Variants in WDFY4 observed in about 807,000 individuals in gnomAD.
WDFY4 encodes WDFY family member 4.
WDFY4 carries 169 observed loss-of-function variants against 351.9 expected under a neutral mutation model. The ratio of observed to expected loss-of-function variants is 0.48; its 90% CI spans 0.42 to 0.55. The LOEUF (loss-of-function observed/expected upper bound fraction) is 0.55, where lower values mean the gene tolerates loss of function less well. Ranked by LOEUF, WDFY4 falls within the 20% of genes least tolerant of loss-of-function variation. WDFY4 has a pLI of 0.00. For synonymous variants in WDFY4, 1,622 were observed against 1,574.6 expected (o/e 1.03, Z -0.71); for missense variants, 3,803 against 3,935.6 (o/e 0.97, Z 0.90).
intron 24 of WDFY4, chr10:48,802,855 C>T (rs2067130918): frequency 6.3e-6 from 3 of 478,864 alleles, no homozygotes; most frequent in Non-Finnish European, 1.3e-5. Context: ...CTGCCACTTG[C>T]TGGTGGTGAG....
chr10:48,750,467 TC>T (rs1456910862), intron 12 of WDFY4, among the ~76,000 whole-genome samples: 1 of 152,226 alleles, frequency 6.6e-6, no homozygotes, highest in Non-Finnish European at 1.5e-5. Context: ...CTGTCTTCAC[TC>T]TGCCTGGACA....
Position 48,834,578 on chromosome 10 carries a change from A to C in WDFY4, c.6663+1869A>C, listed in dbSNP as rs548781209. Among the ~76,000 whole-genome samples the C allele has an allele frequency of 4.6e-5, 7 of 152,362 alleles. No individual in the cohort carries two copies. The East Asian group carries it at 1.2e-3, about 25-fold the overall frequency. On this transcript the variant is annotated intron_variant, in intron 39 of 61. Transcript: ENST00000325239. Reference sequence around the variant, plus strand: ...AAGTCCTAAAACTTGGAGCATTCCCACTTGTGCCCATATACCTGCTCCTGA... The same window carrying C: ...AAGTCCTAAAACTTGGAGCATTCCCCCTTGTGCCCATATACCTGCTCCTGA...
chr10:48,920,729 A>G lies in WDFY4; in HGVS notation c.7586+18866A>G, dbSNP rs189161489. Among the ~76,000 whole-genome samples the G allele has an allele frequency of 1.8e-3, 271 of 152,354 alleles. 1 individual carries two copies. Among genetic ancestry groups the G allele is most frequent in the African/African-American group, 6.3e-3 (261 of 41,578 alleles). On this transcript the variant is annotated intron_variant, in intron 47 of 61. Coordinates refer to ENST00000325239, the MANE Select transcript of WDFY4 (RefSeq NM_001394531.1). The stretch of plus-strand genomic sequence containing the variant: ...GAATGAAATAAAACTGTTCTTATGC[A>G]CAGATGTCATGACTGTCCACATAGA...
chr10:48,942,261 A>G (rs1026311926), intron 48 of WDFY4, among the ~76,000 whole-genome samples: 1 of 152,190 alleles, frequency 6.6e-6, no homozygotes, highest in African/African-American at 2.4e-5. Context: ...CACTGTGCCC[A>G]GCTGGGATCT....
rs567522853 is a variant in WDFY4 at position 48,972,939 on chromosome 10, CA to C, written c.8929-1919del. 6.5e-4 allele frequency among the ~76,000 whole-genome samples: 99 copies of C among 152,276 alleles called. 1 individual carries two copies. The South Asian group carries it at 0.013, about 20-fold the overall frequency. On this transcript the variant is annotated intron_variant, in intron 57 of 61. Transcript: ENST00000325239. ...TTAGAGAAGTATTATTCTGAGAAAACAAAACCCCCTTTGAAGCTGCTATCTC... is the reference window on the plus strand; with the variant it reads ...TTAGAGAAGTATTATTCTGAGAAAACAAACCCCCTTTGAAGCTGCTATCTC...
intron 40 of WDFY4, among the ~76,000 whole-genome samples, chr10:48,868,474 A>G (rs114581839): frequency 5.3e-5 from 8 of 152,172 alleles, no homozygotes; most frequent in African/African-American, 1.9e-4. Context: ...CCCCACTCCA[A>G]CATTGCTGAC....
rs1015218230 is a variant in WDFY4 at position 48,976,967 on chromosome 10, C to T, written c.9279C>T (p.Asp3093=). 4.6e-5 allele frequency: 68 copies of T among 1,469,968 alleles called. No individual in the cohort carries two copies. Among genetic ancestry groups the T allele is most frequent in the East Asian group, 8.1e-5 (3 of 36,974 alleles). The allele number at this position is 1,469,968 out of a possible 1,614,324, so 91.1% of individuals were successfully genotyped here. A position where few individuals can be genotyped will look rare whatever the true frequency, so the allele number is the denominator to read the frequency against. ...TSQIIITGSQ[D]GMVRVWKTED... is the part of the protein sequence containing the mutation. Reference sequence around the variant, plus strand: ...AGATCATCATCACCGGGAGTCAAGACGGCATGGTCCGGGTAGGTGTGTCTT... The same window carrying T: ...AGATCATCATCACCGGGAGTCAAGATGGCATGGTCCGGGTAGGTGTGTCTT... The change falls in exon 59 of 62, where the codon GAC becomes GAT. Residue 3093 remains aspartate (D), a synonymous_variant. Coordinates refer to ENST00000325239, the MANE Select transcript of WDFY4 (RefSeq NM_001394531.1).
chr10:48,740,640 G>A (rs111926702), intron 11 of WDFY4, among the ~76,000 whole-genome samples: 11 of 152,086 alleles, frequency 7.2e-5, no homozygotes, highest in Admixed American at 3.3e-4. Context: ...CTGGGTTTTC[G>A]GCCAAATTCA....
In WDFY4 at chr10:48,969,108, A is replaced by G. The variant is rs1353369554; in HGVS notation, c.8629A>G (p.Ile2877Val). Residue 2877 changes from isoleucine (I) to valine (V), a missense_variant, in exon 56 of 62, where the codon ATT becomes GTT. By Grantham distance (29) the Ile-to-Val change is conservative (BLOSUM62 3). This residue lies in a region of WDFY4 where 3,054 missense variants were observed against 3,148.6 expected (regional missense o/e 0.97). Coordinates refer to ENST00000325239, the MANE Select transcript of WDFY4 (RefSeq NM_001394531.1). ...AGGCTCAGAGTCCCCCAAAGGGGCC[A>G]TTGGCCACATTGTCTCTACTGAGAA... ...SLGSESPKGA[I>V]GHIVSTEKTI... 8.4e-6 allele frequency: 13 copies of G among 1,551,756 alleles called. No homozygotes were observed. Among genetic ancestry groups the G allele is most frequent in the Non-Finnish European group, 1.1e-5 (13 of 1,146,962 alleles).
chr10:48,700,983 A>G (rs765741888), intron 1 of WDFY4, among the ~76,000 whole-genome samples: 38 of 152,222 alleles, frequency 2.5e-4, no homozygotes, highest in Non-Finnish European at 5.0e-4. Context: ...AGTGGCATTG[A>G]GTATATTCAC....
At chr10:48,947,591 T>G (rs1841113133) in intron 51 of WDFY4, among the ~76,000 whole-genome samples, 2 of 152,364 alleles carry the variant, frequency 1.3e-5, no homozygotes, top group African/African-American at 4.8e-5. Flanking sequence ...ATATGGCCAC[T>G]CTGGTGTCCA....
chr10:48,742,195 G>A (rs998346861), intron 11 of WDFY4, among the ~76,000 whole-genome samples: 1 of 152,220 alleles, frequency 6.6e-6, no homozygotes, highest in Admixed American at 6.5e-5. Flanking sequence ...ACAGCTCTCA[G>A]TGATCTGGAG....
At chr10:48,898,855 C>T (rs979533989) in intron 45 of WDFY4, among the ~76,000 whole-genome samples, 4 of 150,892 alleles carry the variant, frequency 2.7e-5, no homozygotes, top group Admixed American at 2.6e-4. Context: ...GGTTCTGGGC[C>T]AATCTCCACC....
At chr10:48,885,741 T>G (rs559778818) in intron 43 of WDFY4, among the ~76,000 whole-genome samples, 72 of 152,196 alleles carry the variant, frequency 4.7e-4, no homozygotes, top group Middle Eastern at 3.4e-3. Flanking sequence ...TCTCTATATA[T>G]ATAGATAGAT....
chr10:48,744,631 T>C lies in WDFY4; in HGVS notation c.2459+1083T>C, dbSNP rs139478391. ...TGAGTTGGACAGTGCTTCTCTTCTA[T>C]GCTACTGAAGAGTTTATGTAGATTG... On this transcript the variant is annotated intron_variant, in intron 12 of 61. Coordinates refer to ENST00000325239, the MANE Select transcript of WDFY4 (RefSeq NM_001394531.1). 4.1e-3 allele frequency among the ~76,000 whole-genome samples: 630 copies of C among 152,354 alleles called. 6 individuals are homozygous for C. The highest frequency in any genetic ancestry group is 0.014 in the African/African-American group (601 of 41,580).
At chr10:48,897,166 A>G (rs1837122235) in intron 44 of WDFY4, among the ~76,000 whole-genome samples, 1 of 152,180 alleles carries the variant, frequency 6.6e-6, no homozygotes, top group Non-Finnish European at 1.5e-5. Context: ...CTGCGCCGTC[A>G]TATTGCTGTC....
At chr10:48,928,506 G>A (rs1839777198) in intron 47 of WDFY4, among the ~76,000 whole-genome samples, 1 of 152,098 alleles carries the variant, frequency 6.6e-6, no homozygotes, top group Admixed American at 6.6e-5. Flanking sequence ...TTCAGACCCT[G>A]CAGCCTAGCG....
chr10:48,954,264 G>C (rs1228680247), intron 51 of WDFY4, among the ~76,000 whole-genome samples: 1 of 152,186 alleles, frequency 6.6e-6, no homozygotes, highest in Non-Finnish European at 1.5e-5. Flanking sequence ...AATCCTCTAG[G>C]CTTGGCTGGC....
In WDFY4 at chr10:48,817,294, G is replaced by T. The variant is rs755019714; in HGVS notation, c.5390G>T (p.Ser1797Ile). The T allele has an allele frequency of 5.2e-6, 8 of 1,551,642 alleles. No individual in the cohort carries two copies. The highest frequency in any genetic ancestry group is 4.4e-6 in the Non-Finnish European group (5 of 1,147,028). ...DGAWAQTFPA[S>I]VLQFLSLVHR... The stretch of plus-strand genomic sequence containing the variant: ...GCCTGGGCACAGACCTTCCCGGCCA[G>T]CGTGCTGCAGTTCCTCAGCCTCGTC... The change falls in exon 32 of 62, where the codon AGC becomes ATC. Residue 1797 changes from serine to isoleucine, a missense_variant. Transcript: ENST00000325239.
Sources: gnomAD v4.1 joint callset for allele counts (sites outside exome capture counted in the v4.1 genomes callset) on GRCh38, gnomAD v4.1.1 for gene constraint, gnomAD v4.1.1 regional missense constraint, MANE v1.5 for transcripts, NCBI Gene and HGNC (gene_info 2026-07-23, HGNC 2026-07-21) for gene names.